CRYZL1: variants seen among roughly 807,000 people sequenced by gnomAD.
CRYZL1 encodes the protein ferry endosomal RAB5 effector complex subunit 4.
CRYZL1 carries 34 observed loss-of-function variants against 50.6 expected under a neutral mutation model. That is an observed-to-expected ratio of 0.67 (90% CI 0.51 to 0.89). The LOEUF (loss-of-function observed/expected upper bound fraction) is 0.89. Among genes scored for constraint, CRYZL1 ranks in the 40% least tolerant of loss-of-function variants. CRYZL1 has a pLI of 0.00. For synonymous variants in CRYZL1, 125 were observed against 134.3 expected, an observed-to-expected ratio of 0.93 and a Z score of 0.48; for missense variants, 354 against 402.3, an observed-to-expected ratio of 0.88 and a Z score of 1.03.
chr21:33,602,632 T>C (rs2086768575), intron 7 of CRYZL1, among the ~76,000 whole-genome samples: 1 of 152,176 alleles, frequency 6.6e-6, no homozygotes, highest in South Asian at 2.1e-4. Context: ...TTCAGACACA[T>C]GGCCTTGCAA....
chr21:33,615,922 C>T (rs144504585), intron 5 of CRYZL1, among the ~76,000 whole-genome samples: 3 of 152,164 alleles, frequency 2.0e-5, no homozygotes, highest in African/African-American at 7.2e-5. Flanking sequence ...AACTGTTCTA[C>T]AGCTAAATAT....
chr21:33,616,775 T>G (rs756054203), intron 4 of CRYZL1, 25 bp from the exon 5 acceptor site: 35 of 1,545,396 alleles, frequency 2.3e-5, no homozygotes, highest in Middle Eastern at 2.1e-4. Context: ...AAATTAATAG[T>G]TAATATTACA....
At chr21:33,641,155 G>C (rs1469653627) in intron 1 of CRYZL1, 2 of 1,550,036 alleles carry the variant, frequency 1.3e-6, no homozygotes, top group Admixed American at 2.0e-5. Context: ...CCCCGACCCA[G>C]ACCTATCCCA....
chr21:33,634,912 T>C (rs993294433), intron 1 of CRYZL1, among the ~76,000 whole-genome samples: 4 of 149,738 alleles, frequency 2.7e-5, no homozygotes, highest in Admixed American at 6.7e-5. Flanking sequence ...TATAAAATAA[T>C]GGCAATATTT....
chr21:33,605,165 T>C (rs2086797362), intron 6 of CRYZL1, among the ~76,000 whole-genome samples: 1 of 152,228 alleles, frequency 6.6e-6, no homozygotes, highest in Non-Finnish European at 1.5e-5. Context: ...TTTCTATTGT[T>C]TTGTCTTTTT....
rs2086802551 is a variant in CRYZL1, at chr21:33,605,530, C to CTTTTTGTTTTTTTTTTTTTTT, written c.332-1994_332-1993insAAAAAAAAAAAAAAACAAAAA. Reference sequence around the variant, plus strand: ...GTAATTTTTCCGCAGTACAAGAATTCTTTTTTTTTTGAGATGGAGTCTCAC... The same window carrying CTTTTTGTTTTTTTTTTTTTTT: ...GTAATTTTTCCGCAGTACAAGAATTCTTTTTGTTTTTTTTTTTTTTTTTTTTTTTTTGAGATGGAGTCTCAC... On this transcript the variant is annotated intron_variant, in intron 6 of 12. Transcript: ENST00000381554. 5.6e-5 allele frequency among the ~76,000 whole-genome samples: 3 copies of CTTTTTGTTTTTTTTTTTTTTT among 53,196 alleles called. 1 individual carries two copies. The highest frequency in any genetic ancestry group is 1.8e-3 in the South Asian group (2 of 1,094). 34.9% of individuals were successfully genotyped at this position (53,196 alleles called of 152,430 possible).
intron 1 of CRYZL1, among the ~76,000 whole-genome samples, chr21:33,633,876 C>T (rs536786449): frequency 9.2e-5 from 14 of 152,310 alleles, no homozygotes; most frequent in African/African-American, 3.4e-4. Flanking sequence ...TCTTCTGAAT[C>T]TGAGGTCAGT....
intron 4 of CRYZL1, among the ~76,000 whole-genome samples, chr21:33,620,371 T>C (rs1187527267): frequency 6.6e-6 from 1 of 152,200 alleles, no homozygotes; most frequent in Non-Finnish European, 1.5e-5. Flanking sequence ...TAAAGATCAT[T>C]ATTTCATCAT....
At chr21:33,595,045 C>T (rs180721921) in intron 11 of CRYZL1, 1 of 435,934 alleles carries the variant, frequency 2.3e-6, no homozygotes, top group African/African-American at 2.1e-5. Flanking sequence ...GCTGCTGCCT[C>T]TAAGCCAGTC....
intron 3 of CRYZL1, among the ~76,000 whole-genome samples, chr21:33,624,152 T>G (rs1048071663): frequency 2.0e-5 from 3 of 152,216 alleles, no homozygotes; most frequent in African/African-American, 7.2e-5. Flanking sequence ...ATAAAATATT[T>G]GTATTTTCAT....
chr21:33,631,553 G>C lies in CRYZL1; in HGVS notation c.-2C>G. 1 of 1,482,688 alleles carries C rather than the reference G, an allele frequency of 6.7e-7. No individual in the cohort carries two copies. The allele number at this position is 1,482,688 out of a possible 1,614,324, so 91.8% of individuals were successfully genotyped here. A position where few individuals can be genotyped will look rare whatever the true frequency, so the allele number is the denominator to read the frequency against. On this transcript the variant is annotated 5_prime_UTR_variant, in exon 2 of 13. Transcript: ENST00000381554. ...CTGTTGGAAATATAAGCCTTTCATA[G>C]TCACCTAAAAATAAATATATATAAA...
chr21:33,639,760 A>T (rs9974470), intron 1 of CRYZL1: 57,758 of 151,898 alleles, frequency 0.38, 11,254 homozygotes, highest in East Asian at 0.58. Context: ...TCATGTCTTT[A>T]TTATGCATAA....
At chr21:33,638,812 G>A (rs1180457943) in intron 1 of CRYZL1, among the ~76,000 whole-genome samples, 3 of 152,180 alleles carry the variant, frequency 2.0e-5, no homozygotes, top group East Asian at 1.9e-4. Flanking sequence ...AATGGAAAAT[G>A]CGTAACATTA....
chr21:33,594,811 A>G (rs1450530842), intron 11 of CRYZL1: 2 of 152,026 alleles, frequency 1.3e-5, no homozygotes, highest in African/African-American at 2.4e-5. Flanking sequence ...CCCGGCCTAC[A>G]TAACTACCTT....
chr21:33,600,407 A>G (rs542521631), intron 8 of CRYZL1, among the ~76,000 whole-genome samples: 1 of 151,848 alleles, frequency 6.6e-6, no homozygotes, highest in East Asian at 1.9e-4. Flanking sequence ...AAATAACAAC[A>G]TGTTTGTATT....
At chr21:33,637,905 A>G (rs2087229589) in intron 1 of CRYZL1, among the ~76,000 whole-genome samples, 1 of 151,734 alleles carries the variant, frequency 6.6e-6, no homozygotes, top group South Asian at 2.1e-4. Flanking sequence ...GGCAGTATCC[A>G]ATACCCTATT....
chr21:33,641,250 G>T (rs1273752981), intron 1 of CRYZL1: 3 of 1,550,546 alleles, frequency 1.9e-6, no homozygotes, highest in Non-Finnish European at 2.6e-6. Flanking sequence ...CACATACAGC[G>T]AATAACTACT....
Position 33,589,733 on chromosome 21 carries a change from C to G in CRYZL1, c.*89G>C, listed in dbSNP as rs754116746. 1.2e-6 allele frequency: 1 copy of G among 827,212 alleles called. No homozygotes were observed. Among genetic ancestry groups the G allele is most frequent in the East Asian group, 2.6e-5 (1 of 37,840 alleles). 51.2% of individuals were successfully genotyped at this position (827,212 alleles called of 1,614,324 possible). A position where few individuals can be genotyped will look rare whatever the true frequency, so the allele number is the denominator to read the frequency against. On this transcript the variant is annotated 3_prime_UTR_variant, in exon 13 of 13. Coordinates refer to ENST00000381554, the MANE Select transcript of CRYZL1 (RefSeq NM_145858.3). ...TTAAAAATGCAACTTGTTTTATCTTCCTTGGTTTTTCTCAACAATTTCCAA... is the reference window on the plus strand; with the variant it reads ...TTAAAAATGCAACTTGTTTTATCTTGCTTGGTTTTTCTCAACAATTTCCAA...
intron 11 of CRYZL1, 117 bp downstream of exon 11, chr21:33,595,614 T>C (rs781676832): frequency 1.3e-5 from 20 of 1,491,150 alleles, no homozygotes; most frequent in Non-Finnish European, 1.8e-5. Context: ...CTTGGAATAC[T>C]GTTTGGAATA....
Sources: allele counts gnomAD v4.1 joint callset (sites outside exome capture counted in the v4.1 genomes callset), GRCh38; gene constraint gnomAD v4.1.1; transcripts MANE v1.5; gene names NCBI Gene and HGNC (gene_info 2026-07-23, HGNC 2026-07-21).